SOX6: variants seen among roughly 807,000 people sequenced by gnomAD.
SOX6 encodes SRY-box transcription factor 6.
In SOX6, 11 loss-of-function variants were observed where a neutral mutation model predicts 97.8. The ratio of observed to expected loss-of-function variants is 0.11; its 90% confidence interval spans 0.07 to 0.19. The LOEUF (loss-of-function observed/expected upper bound fraction) is 0.19. SOX6 is among the 10% of genes least tolerant of loss of function. The pLI, the probability that SOX6 is intolerant of heterozygous loss-of-function variation, is 1.00. For synonymous variants in SOX6, 360 were observed against 371.4 expected (o/e 0.97, Z 0.35); for missense variants, 810 against 1,039.5 (o/e 0.78, Z 3.04).
intron 3 of SOX6, among the ~76,000 whole-genome samples, chr11:16,260,547 G>A (rs1205727422): frequency 2.6e-5 from 4 of 151,998 alleles, no homozygotes; most frequent in Non-Finnish European, 5.9e-5. Context: ...TTCAGAATAG[G>A]AACAAAACTG....
chr11:16,407,811 T>A (rs1039960212), intron 1 of SOX6, among the ~76,000 whole-genome samples: 2 of 151,990 alleles, frequency 1.3e-5, no homozygotes, highest in Non-Finnish European at 2.9e-5. Flanking sequence ...CAATCTTGCA[T>A]CCAAAGATAT....
rs1564894857 is a variant in SOX6, at chr11:15,987,715, TA to T, written c.1966+1281del. Among the ~76,000 whole-genome samples the T allele has an allele frequency of 2.4e-5, 3 of 125,152 alleles. No individual in the cohort carries two copies. In the East Asian group the frequency reaches 8.9e-4, roughly 37 times the overall value. 82.1% of individuals were successfully genotyped at this position (125,152 alleles called of 152,430 possible). ...TTTTTTTTTTTTTTAGAATGTCATT[TA>T]ACTAGAAAAAAAAAAATGTATGTCC... is the stretch of plus-strand genomic sequence containing the variant. On this transcript the variant is annotated intron_variant, in intron 14 of 15. Coordinates refer to ENST00000683767, the MANE Select transcript of SOX6 (RefSeq NM_001367873.1).
intron 13 of SOX6, among the ~76,000 whole-genome samples, chr11:16,007,605 T>G (rs892158702): frequency 6.6e-6 from 1 of 152,086 alleles, no homozygotes; most frequent in African/African-American, 2.4e-5. Flanking sequence ...CAGAGAGAAT[T>G]TAAAGCACAT....
At chr11:16,322,102 AT>A (rs1157461025) in intron 2 of SOX6, among the ~76,000 whole-genome samples, 3 of 152,120 alleles carry the variant, frequency 2.0e-5, no homozygotes, top group Non-Finnish European at 4.4e-5. Flanking sequence ...AGCCCAGATT[AT>A]TTTGTAATTT....
chr11:16,582,208 T>C (rs755363344), intron 4 of SOX6, among the ~76,000 whole-genome samples: 13 of 152,148 alleles, frequency 8.5e-5, no homozygotes, highest in Non-Finnish European at 1.6e-4. Context: ...TTAGATACTA[T>C]GCTCAGCACC....
intron 1 of SOX6, among the ~76,000 whole-genome samples, chr11:16,353,826 AGT>A (rs1857009583): frequency 1.3e-5 from 2 of 151,972 alleles, no homozygotes; most frequent in Admixed American, 1.3e-4. Flanking sequence ...CTGTGGTGTT[AGT>A]TATAGGAAAG....
chr11:16,545,476 A>T (rs752566337), intron 4 of SOX6, among the ~76,000 whole-genome samples: 1 of 152,208 alleles, frequency 6.6e-6, no homozygotes, highest in Non-Finnish European at 1.5e-5. Flanking sequence ...AATAAAGTCC[A>T]TATATGGCGA....
chr11:16,319,367 A>AGTT (rs1488849012), intron 2 of SOX6, among the ~76,000 whole-genome samples: 1 of 152,024 alleles, frequency 6.6e-6, no homozygotes, highest in African/African-American at 2.4e-5. Context: ...GTCTTTTTTT[A>AGTT]GTTATTATTA....
intron 1 of SOX6, among the ~76,000 whole-genome samples, chr11:16,391,515 G>A (rs969655358): frequency 6.6e-6 from 1 of 151,984 alleles, no homozygotes; most frequent in Non-Finnish European, 1.5e-5. Flanking sequence ...CATATAGTAG[G>A]TACAAATTGA....
At chr11:16,146,732 G>C (rs899985136) in intron 6 of SOX6, among the ~76,000 whole-genome samples, 4 of 152,176 alleles carry the variant, frequency 2.6e-5, no homozygotes, top group African/African-American at 9.7e-5. Flanking sequence ...CTTTTATGCA[G>C]CCAACAGACA....
intron 10 of SOX6, among the ~76,000 whole-genome samples, chr11:16,051,180 G>A (rs536898959): frequency 2.0e-5 from 3 of 152,094 alleles, no homozygotes; most frequent in Admixed American, 6.6e-5. Context: ...AACAGCATGC[G>A]CAAAGAAGCA....
chr11:16,214,699 C>T (rs183527859), intron 4 of SOX6, among the ~76,000 whole-genome samples: 3 of 151,720 alleles, frequency 2.0e-5, no homozygotes, highest in East Asian at 1.9e-4. Flanking sequence ...TTTAAGTATA[C>T]TCATGGGTCT....
At chr11:16,655,150 G>A (rs1198560766) in intron 3 of SOX6, among the ~76,000 whole-genome samples, 3 of 152,168 alleles carry the variant, frequency 2.0e-5, no homozygotes, top group Non-Finnish European at 4.4e-5. Flanking sequence ...GCACATTGAC[G>A]CTGGGATTCT....
chr11:16,255,861 C>T (rs181571378), intron 3 of SOX6, among the ~76,000 whole-genome samples: 10 of 149,356 alleles, frequency 6.7e-5, no homozygotes, highest in Admixed American at 2.0e-4. Context: ...AAAGAGACGA[C>T]GCAAATTGGT....
intron 4 of SOX6, among the ~76,000 whole-genome samples, chr11:16,539,510 C>CA (rs926698055): frequency 6.6e-6 from 1 of 151,910 alleles, no homozygotes; most frequent in Admixed American, 6.6e-5. Context: ...AAAAAACCTT[C>CA]AAAAAATCAA....
At chr11:16,298,674 ACTT>A (rs747639156) in intron 3 of SOX6, among the ~76,000 whole-genome samples, 8 of 152,102 alleles carry the variant, frequency 5.3e-5, no homozygotes, top group Non-Finnish European at 8.8e-5. Context: ...AGAGATTTTA[ACTT>A]CTTCTTAACT....
chr11:16,718,176 T>C (rs2134051829), intron 2 of SOX6, among the ~76,000 whole-genome samples: 1 of 152,108 alleles, frequency 6.6e-6, no homozygotes, highest in South Asian at 2.1e-4. Context: ...CTTTGTAGTC[T>C]TGAGTTCTTC....
At chr11:16,193,989 C>T (rs1411396375) in intron 4 of SOX6, among the ~76,000 whole-genome samples, 2 of 152,064 alleles carry the variant, frequency 1.3e-5, no homozygotes, top group Non-Finnish European at 2.9e-5. Context: ...TAGCATTGGC[C>T]GTTTTGGATA....
intron 2 of SOX6, among the ~76,000 whole-genome samples, chr11:16,723,011 A>G (rs1461394073): frequency 1.3e-5 from 2 of 152,174 alleles, no homozygotes; most frequent in East Asian, 1.9e-4. Flanking sequence ...ACTCTACCAT[A>G]AGACACACAC....
Sources: allele counts gnomAD v4.1 joint callset (sites outside exome capture counted in the v4.1 genomes callset), GRCh38; gene constraint gnomAD v4.1.1; transcripts MANE v1.5; gene names NCBI Gene and HGNC (gene_info 2026-07-23, HGNC 2026-07-21).